Variants in ST18 observed in about 807,000 individuals in gnomAD.
ST18 encodes the protein suppression of tumorigenicity 18 protein.
ST18 carries 50 observed loss-of-function variants against 110.0 expected under a neutral mutation model. The observed-to-expected ratio is 0.45, with a 90% CI of 0.36 to 0.58. ST18 has a LOEUF of 0.58. Among genes scored for constraint, ST18 ranks in the 20% least tolerant of loss-of-function variants. The pLI, the probability that ST18 is intolerant of heterozygous loss-of-function variation, is 0.00. For missense variants in ST18, 1,306 were observed against 1,280.1 expected (o/e 1.02, Z -0.31); for synonymous variants, 461 against 452.4 (o/e 1.02, Z -0.24).
At chr8:52,167,041 T>C in intron 10 of ST18, 55 bp from the exon 11 acceptor site, 1 of 1,562,154 alleles carries the variant, frequency 6.4e-7, no homozygotes, top group African/African-American at 1.4e-5. Flanking sequence ...TTTCTTCCCA[T>C]TCAATAGAAT....
At chr8:52,315,719 A>G (rs1309159216) in intron 2 of ST18, among the ~76,000 whole-genome samples, 1 of 152,252 alleles carries the variant, frequency 6.6e-6, no homozygotes, top group Non-Finnish European at 1.5e-5. Flanking sequence ...TTTGTTAAAG[A>G]AAGTGTGTGT....
At chr8:52,211,598 G>A (rs2082195038) in intron 8 of ST18, among the ~76,000 whole-genome samples, 1 of 151,896 alleles carries the variant, frequency 6.6e-6, no homozygotes, top group African/African-American at 2.4e-5. Context: ...GTAGAGTCGG[G>A]GTTTCGCCAT....
chr8:52,160,855 C>G (rs948939432), intron 14 of ST18, among the ~76,000 whole-genome samples: 1 of 152,186 alleles, frequency 6.6e-6, no homozygotes, highest in Non-Finnish European at 1.5e-5. Context: ...CACAGCCACA[C>G]AATTTTTTCT....
chr8:52,286,106 C>T (rs1292354082), intron 2 of ST18, among the ~76,000 whole-genome samples: 1 of 152,104 alleles, frequency 6.6e-6, no homozygotes, highest in African/African-American at 2.4e-5. Flanking sequence ...CTATTAAGTT[C>T]GTTTGGCTGC....
At chr8:52,260,599 T>G (rs760529098) in intron 2 of ST18, among the ~76,000 whole-genome samples, 42 of 152,298 alleles carry the variant, frequency 2.8e-4, no homozygotes, top group Middle Eastern at 3.4e-3. Context: ...CTGGATCACA[T>G]TACTAGAGCT....
chr8:52,364,426 G>A (rs1349849633), intron 2 of ST18, among the ~76,000 whole-genome samples: 1 of 152,160 alleles, frequency 6.6e-6, no homozygotes, highest in African/African-American at 2.4e-5. Flanking sequence ...TATCTCGCTT[G>A]CCTACAATTG....
At chr8:52,185,509 T>G (rs984394338) in intron 8 of ST18, among the ~76,000 whole-genome samples, 1 of 152,166 alleles carries the variant, frequency 6.6e-6, no homozygotes, top group Non-Finnish European at 1.5e-5. Context: ...CTTACAATGT[T>G]GAATGTCAAA....
At chr8:52,280,866 C>T (rs913581329) in intron 2 of ST18, among the ~76,000 whole-genome samples, 5 of 151,978 alleles carry the variant, frequency 3.3e-5, no homozygotes, top group African/African-American at 7.2e-5. Flanking sequence ...AAATAATACA[C>T]AGACTTGAGC....
intron 2 of ST18, among the ~76,000 whole-genome samples, chr8:52,370,204 G>A (rs1829751074): frequency 6.6e-6 from 1 of 152,172 alleles, no homozygotes; most frequent in Non-Finnish European, 1.5e-5. Flanking sequence ...GTTGAGGTGA[G>A]GGGTCTAGCG....
chr8:52,379,428 A>G (rs1353220253), intron 2 of ST18, among the ~76,000 whole-genome samples: 1 of 152,048 alleles, frequency 6.6e-6, no homozygotes, highest in Non-Finnish European at 1.5e-5. Context: ...CTCGCATCCA[A>G]GCTTATAGGT....
intron 2 of ST18, among the ~76,000 whole-genome samples, chr8:52,297,952 C>T (rs1329553316): frequency 2.0e-5 from 3 of 152,218 alleles, no homozygotes; most frequent in Admixed American, 6.5e-5. Context: ...TTTTAATTCT[C>T]GTTGTTTTCC....
Position 52,161,480 on chromosome 8 carries a change from A to T in ST18, c.1489T>A (p.Phe497Ile), listed in dbSNP as rs778806510. The stretch of plus-strand genomic sequence containing the variant: ...GCATAATCAAATGGTACTTTTCCAA[A>T]CTTCTCTTGTTCTTTTGACACTGTG... ...RATVSKEQEKFGKVPFDYASF... is the reference protein window; with the variant it reads ...RATVSKEQEKIGKVPFDYASF... The change falls in exon 14 of 26, where the codon TTT becomes ATT. Residue 497 changes from phenylalanine (F) to isoleucine (I), a missense_variant. Coordinates refer to ENST00000689386, the MANE Select transcript of ST18 (RefSeq NM_001352837.2). 2 of 1,614,178 alleles carry T rather than the reference A, an allele frequency of 1.2e-6. No homozygotes were observed. The highest frequency in any genetic ancestry group is 1.1e-5 in the South Asian group (1 of 91,086).
chr8:52,178,425 G>T (rs1335142763), intron 9 of ST18, among the ~76,000 whole-genome samples: 1 of 151,502 alleles, frequency 6.6e-6, no homozygotes, highest in African/African-American at 2.4e-5. Context: ...TCAGGAGTTT[G>T]AGACCAGCTT....
At chr8:52,389,077 C>T (rs1164621245) in intron 2 of ST18, among the ~76,000 whole-genome samples, 1 of 151,182 alleles carries the variant, frequency 6.6e-6, no homozygotes, top group African/African-American at 2.4e-5. Flanking sequence ...TGCATGAAGC[C>T]CCGAGAGCCA....
chr8:52,211,377 A>ATT (rs375757735), intron 8 of ST18, among the ~76,000 whole-genome samples: 7 of 138,450 alleles, frequency 5.1e-5, no homozygotes, highest in Non-Finnish European at 1.1e-4. Flanking sequence ...GGAATCATCT[A>ATT]ATTATTATTA....
At chr8:52,240,551 C>T (rs1435360583) in intron 2 of ST18, among the ~76,000 whole-genome samples, 1 of 152,112 alleles carries the variant, frequency 6.6e-6, no homozygotes, top group East Asian at 1.9e-4. Flanking sequence ...CATTTGTTTC[C>T]TATTTCATCT....
rs146299328 is a variant in ST18, at chr8:52,399,490, CT to C, written c.-465+9837del. Among the ~76,000 whole-genome samples, 942 of 144,800 alleles carry C rather than the reference CT, an allele frequency of 6.5e-3. 9 individuals carry two copies. Among genetic ancestry groups the C allele is most frequent in the African/African-American group, 0.021 (824 of 39,890 alleles). The allele number at this position is 144,800 out of a possible 152,430, so 95.0% of individuals were successfully genotyped here. ...CTAACTTTAGGTTTCAGTTGTTACT[CT>C]TTTTTTTTTAGCTCCTTGAGGCATA... On this transcript the variant is annotated intron_variant, in intron 2 of 25. Coordinates refer to ENST00000689386, the MANE Select transcript of ST18 (RefSeq NM_001352837.2).
intron 10 of ST18, 152 bp downstream of exon 10, chr8:52,171,640 A>G (rs2065000559): frequency 5.8e-6 from 5 of 868,114 alleles, no homozygotes; most frequent in African/African-American, 1.7e-5. Context: ...AGTGGGGGAA[A>G]AGAAAGAAAT....
chr8:52,278,143 C>G (rs2095309772), intron 2 of ST18, among the ~76,000 whole-genome samples: 1 of 152,138 alleles, frequency 6.6e-6, no homozygotes, highest in Admixed American at 6.5e-5. Flanking sequence ...GAGCTGGATG[C>G]TGTGGATTTT....
Sources: allele counts gnomAD v4.1 joint callset (sites outside exome capture counted in the v4.1 genomes callset), GRCh38; gene constraint gnomAD v4.1.1; transcripts MANE v1.5; gene names NCBI Gene and HGNC (gene_info 2026-07-23, HGNC 2026-07-21).